The following TPM4 variants were observed in gnomAD, a reference collection of about 807,000 sequenced individuals.
TPM4 encodes tropomyosin 4.
In TPM4, 17 loss-of-function variants were observed where a neutral mutation model predicts 35.8. The observed-to-expected ratio is 0.47, with a 90% confidence interval of 0.32 to 0.71. TPM4 has a LOEUF of 0.71. Ranked by LOEUF, TPM4 falls within the 30% of genes least tolerant of loss-of-function variation. The pLI is 0.03. For synonymous variants in TPM4, 120 were observed against 122.9 expected (o/e 0.98, Z 0.15); for missense variants, 240 against 320.9 (o/e 0.75, Z 1.93).
intron 1 of TPM4, among the ~76,000 whole-genome samples, chr19:16,078,456 C>CT (rs1360888399): frequency 6.6e-6 from 1 of 152,160 alleles, no homozygotes; most frequent in East Asian, 1.9e-4. Context: ...CAGATGGGGG[C>CT]TGCAGCATGG....
chr19:16,072,556 A>C (rs1373854573), upstream of TPM4, among the ~76,000 whole-genome samples: 2 of 152,262 alleles, frequency 1.3e-5, no homozygotes, highest in Non-Finnish European at 2.9e-5. Flanking sequence ...GCATCAGGCA[A>C]GTCCCTTCCC....
chr19:16,069,230 T>C (rs555034346), intron 2 of TPM4, among the ~76,000 whole-genome samples: 1 of 152,134 alleles, frequency 6.6e-6, no homozygotes, highest in African/African-American at 2.4e-5. Flanking sequence ...TGTGCATGTT[T>C]AGATGAGTGT....
chr19:16,081,025 C>T (rs531078062), intron 1 of TPM4: 41 of 398,548 alleles, frequency 1.0e-4, no homozygotes, highest in Middle Eastern at 6.3e-4. Context: ...CTCAGCCAGG[C>T]GGATTGAAGG....
intron 1 of TPM4, among the ~76,000 whole-genome samples, chr19:16,080,599 C>G (rs1281517083): frequency 1.3e-5 from 2 of 152,066 alleles, no homozygotes; most frequent in Non-Finnish European, 2.9e-5. Context: ...TCACGTGAGG[C>G]CAGGAGTTTG....
chr19:16,095,631 A>G (rs926048684), intron 7 of TPM4: 3 of 1,002,264 alleles, frequency 3.0e-6, no homozygotes, highest in Non-Finnish European at 2.4e-6. Context: ...TGAAAAGCTT[A>G]TTACAAAAAG....
upstream of TPM4, chr19:16,076,033 T>C: frequency 1.3e-6 from 2 of 1,536,408 alleles, no homozygotes; most frequent in South Asian, 1.1e-5. Context: ...CGTTCCTCGC[T>C]CTGTCGTCCC....
chr19:16,073,695 C>T (rs1409548441), upstream of TPM4, among the ~76,000 whole-genome samples: 6 of 151,990 alleles, frequency 3.9e-5, no homozygotes, highest in South Asian at 6.2e-4. Flanking sequence ...TGCTCTCTGT[C>T]ACATCTCAGC....
upstream of TPM4, among the ~76,000 whole-genome samples, chr19:16,071,736 C>A (rs970609287): frequency 3.3e-5 from 5 of 152,202 alleles, no homozygotes; most frequent in Non-Finnish European, 4.4e-5. Flanking sequence ...CAGCCTGATC[C>A]CAGCAGCCAA....
chr19:16,075,993 CG>C, upstream of TPM4: 1 of 1,541,162 alleles, frequency 6.5e-7, no homozygotes, highest in South Asian at 1.2e-5. Context: ...CCCTGCACCT[CG>C]GGGACGTGAC....
intron 1 of TPM4, chr19:16,077,407 C>G (rs1008780104): frequency 6.6e-6 from 1 of 152,200 alleles, no homozygotes; most frequent in African/African-American, 2.4e-5. Flanking sequence ...GCGCGGGGCC[C>G]TGAACCCACG....
At chr19:16,077,683 C>T (rs1040262889) in intron 1 of TPM4, among the ~76,000 whole-genome samples, 1 of 142,724 alleles carries the variant, frequency 7.0e-6, no homozygotes, top group Non-Finnish European at 1.5e-5. Context: ...TCCCGACCCC[C>T]CAGAGTAGCA....
rs147192859 is a variant in TPM4 at position 16,102,936 on chromosome 19, C to T, written c.*1590C>T. On this transcript the variant is annotated 3_prime_UTR_variant, in exon 8 of 8. Coordinates refer to ENST00000643579, the MANE Select transcript of TPM4 (RefSeq NM_003290.3). ...ATAAAATCCACACTTTAGATTCTTG[C>T]AACTGTATCATATGTAATAGTATCA... 4.8e-6 allele frequency: 1 copy of T among 209,190 alleles called. No individual in the cohort carries two copies. Among genetic ancestry groups the T allele is most frequent in the Non-Finnish European group, 9.7e-6 (1 of 103,294 alleles). The allele number at this position is 209,190 out of a possible 1,614,324, so 13.0% of individuals were successfully genotyped here.
upstream of TPM4, among the ~76,000 whole-genome samples, chr19:16,071,619 G>A (rs141217411): frequency 6.7e-4 from 102 of 152,336 alleles, no homozygotes; most frequent in African/African-American, 1.7e-3. Context: ...CCAGAATTCC[G>A]AAGCAGAAGC....
chr19:16,102,494 CTATT>C lies in TPM4; in HGVS notation c.*1149_*1152del, dbSNP rs1259489411. The C allele has an allele frequency of 4.4e-6, 1 of 226,756 alleles. No homozygotes were observed. The highest frequency in any genetic ancestry group is 8.8e-6 in the Non-Finnish European group (1 of 113,850). 14.0% of individuals were successfully genotyped at this position (226,756 alleles called of 1,614,324 possible). ...CTAAGTTGAGCAAAAGAGTTTTTATCTATTAGCAGAAAGGGCCTCTCTGGCAGCA... is the reference window on the plus strand; with the variant it reads ...CTAAGTTGAGCAAAAGAGTTTTTATCAGCAGAAAGGGCCTCTCTGGCAGCA... On this transcript the variant is annotated 3_prime_UTR_variant, in exon 8 of 8. Transcript: ENST00000643579.
At chr19:16,076,076 G>A, upstream of TPM4, 1 of 1,602,116 alleles carries the variant, frequency 6.2e-7, no homozygotes, top group South Asian at 1.1e-5. Context: ...ACCTCCAGAA[G>A]AAACTAAAAG....
intron 5 of TPM4, 35 bp downstream of exon 5, chr19:16,089,155 T>C (rs374156851): frequency 6.1e-5 from 98 of 1,611,914 alleles, no homozygotes; most frequent in Non-Finnish European, 7.9e-5. Flanking sequence ...GGTGGCTTGC[T>C]GGACTTTGTT....
At chr19:16,080,856 C>G (rs1442631679) in intron 1 of TPM4, 1 of 394,470 alleles carries the variant, frequency 2.5e-6, no homozygotes, top group Non-Finnish European at 4.5e-6. Flanking sequence ...TCCAGCCCAG[C>G]ACTTTTTGGC....
At chr19:16,069,765 T>A (rs1299243552) in intron 2 of TPM4, among the ~76,000 whole-genome samples, 3 of 151,516 alleles carry the variant, frequency 2.0e-5, no homozygotes, top group Non-Finnish European at 4.4e-5. Context: ...CATGTGTGGA[T>A]GAGTGTGTGT....
chr19:16,081,338 C>T, intron 1 of TPM4: 1 of 347,706 alleles, frequency 2.9e-6, no homozygotes, highest in East Asian at 4.3e-5. Flanking sequence ...CATCTCAAAG[C>T]ACATGGTATG....
Sources: allele counts gnomAD v4.1 joint callset (sites outside exome capture counted in the v4.1 genomes callset), GRCh38; gene constraint gnomAD v4.1.1; transcripts MANE v1.5; gene names NCBI Gene and HGNC (gene_info 2026-07-23, HGNC 2026-07-21).